Variants in ZBTB48 observed in about 807,000 individuals in gnomAD.
ZBTB48 encodes zinc finger and BTB domain-containing protein 48.
In ZBTB48, 35 loss-of-function variants were observed where a neutral mutation model predicts 64.5. That is an observed-to-expected ratio of 0.54 (90% CI 0.41 to 0.72). ZBTB48 has a LOEUF of 0.72. Among genes scored for constraint, ZBTB48 ranks in the 30% least tolerant of loss-of-function variants. The probability of loss-of-function intolerance (pLI) is 0.00; values close to 1 mark genes in which losing one functional copy is unlikely to be tolerated. For synonymous variants in ZBTB48, 442 were observed against 356.7 expected, an observed-to-expected ratio of 1.24 and a Z score of -2.70; for missense variants, 828 against 895.3, an observed-to-expected ratio of 0.92 and a Z score of 0.96.
At chr1:6,587,897 G>A (rs760869197) in intron 7 of ZBTB48, among the ~76,000 whole-genome samples, 163 bp from the exon 8 acceptor site, 1 of 152,106 alleles carries the variant, frequency 6.6e-6, no homozygotes, top group Non-Finnish European at 1.5e-5. Flanking sequence ...AGTTTCCTGT[G>A]ACTCCTGCTC....
intron 6 of ZBTB48, 52 bp downstream of exon 6, chr1:6,587,343 G>A (rs555983982): frequency 2.4e-5 from 38 of 1,612,988 alleles, no homozygotes; most frequent in Non-Finnish European, 3.1e-5. Context: ...GAGCAAGAGT[G>A]AGCTGTGCCC....
chr1:6,588,279 C>T lies in ZBTB48; in HGVS notation c.1518C>T (p.Ala506=). ...HLCGKTFRTQ[A]SLDKHNRTHT... ...TGAGCTCTTGCCTTGTGCCTGCAGC[C>T]AGCCTGGACAAGCACAACCGCACCC... The change falls in exon 9 of 11, where the codon GCC becomes GCT. Residue 506 remains alanine (A), a splice_region_variant and synonymous_variant. Transcript: ENST00000377674. 4 of 1,608,018 alleles carry T rather than the reference C, an allele frequency of 2.5e-6. No homozygotes were observed. Among genetic ancestry groups the T allele is most frequent in the Non-Finnish European group, 3.4e-6 (4 of 1,175,438 alleles).
rs530359124 is a variant in ZBTB48, at chr1:6,584,061, C to T, written c.932+1762C>T. On this transcript the variant is annotated intron_variant, in intron 3 of 10. Coordinates refer to ENST00000377674, the MANE Select transcript of ZBTB48 (RefSeq NM_005341.4). The surrounding 1 kb of genome is among the most constrained non-coding windows in gnomAD (Gnocchi z 4.5). ...CCTCCCAAAGTGCTGGGATTACAGG[C>T]GTGAGCCACCGTGCCCAGCCATTTT... is the stretch of plus-strand genomic sequence containing the variant. 4.6e-5 allele frequency among the ~76,000 whole-genome samples: 7 copies of T among 152,134 alleles called. No individual in the cohort carries two copies. The highest frequency in any genetic ancestry group is 2.4e-5 in the African/African-American group (1 of 41,500).
At chr1:6,583,959 T>C (rs1640569723) in intron 3 of ZBTB48, among the ~76,000 whole-genome samples, 1 of 151,926 alleles carries the variant, frequency 6.6e-6, no homozygotes, top group Non-Finnish European at 1.5e-5. Flanking sequence ...TTTTTGTGTG[T>C]GTTTAGTAGA....
intron 2 of ZBTB48, 130 bp downstream of exon 2, chr1:6,581,429 AG>A (rs548730188): frequency 4.8e-6 from 5 of 1,030,992 alleles, no homozygotes; most frequent in African/African-American, 1.6e-5. Context: ...TGGGAGGCCA[AG>A]GGGGGTGGAT....
chr1:6,585,166 A>G (rs1223033840), intron 3 of ZBTB48: 1 of 152,380 alleles, frequency 6.6e-6, no homozygotes, highest in Non-Finnish European at 1.5e-5. Context: ...GATTTAAGCA[A>G]AGACTCAAAG....
At chr1:6,588,509 C>A in intron 9 of ZBTB48, 67 bp downstream of exon 9, 3 of 1,455,142 alleles carry the variant, frequency 2.1e-6, no homozygotes, top group Non-Finnish European at 2.7e-6. Context: ...GAGGAGGAAA[C>A]GCTCCTTTCT....
intron 7 of ZBTB48, 142 bp from the exon 8 acceptor site, chr1:6,587,918 C>T (rs933023962): frequency 8.9e-6 from 11 of 1,241,456 alleles, no homozygotes; most frequent in Non-Finnish European, 9.9e-6. Flanking sequence ...ATAGATTGTC[C>T]TTCTGCTCTC....
In ZBTB48 at chr1:6,582,374, C is replaced by G. The variant is rs1005771488; in HGVS notation, c.932+75C>G. ...TGGGGGAGGGGTCCTGCACTTCCCA[C>G]TTCTGGGTGAGGTAGGGGCTGGGGG... On this transcript the variant is annotated intron_variant, in intron 3 of 10. Transcript: ENST00000377674. 8 of 1,551,926 alleles carry G rather than the reference C, an allele frequency of 5.2e-6. No homozygotes were observed. The Admixed American group carries it at 1.4e-4, about 27-fold the overall frequency.
chr1:6,587,406 T>C, intron 6 of ZBTB48, 72 bp from the exon 7 acceptor site: 2 of 1,607,372 alleles, frequency 1.2e-6, no homozygotes, highest in Non-Finnish European at 1.7e-6. Context: ...TGCTTGTGGG[T>C]CTCCCAGGCA....
Position 6,585,932 on chromosome 1 carries a change from G to A in ZBTB48, c.946G>A (p.Glu316Lys). 6.2e-7 allele frequency: 1 copy of A among 1,614,070 alleles called. No individual in the cohort carries two copies. The highest frequency in any genetic ancestry group is 8.5e-7 in the Non-Finnish European group (1 of 1,179,976). Residue 316 changes from glutamate to lysine, a missense_variant, in exon 4 of 11, where the codon GAG becomes AAG. Coordinates refer to ENST00000377674, the MANE Select transcript of ZBTB48 (RefSeq NM_005341.4). ...LKVHNRKHTG[E>K]KPFECPKCGK... ...TTCTCCTGGCAGGAAACATACTGGG[G>A]AGAAACCCTTTGAGTGTCCCAAATG...
chr1:6,580,665 A>G lies in ZBTB48; in HGVS notation c.56A>G (p.Gln19Arg), dbSNP rs1389070637. 1 of 1,613,988 alleles carries G rather than the reference A, an allele frequency of 6.2e-7. No homozygotes were observed. Among genetic ancestry groups the G allele is most frequent in the Non-Finnish European group, 8.5e-7 (1 of 1,180,036 alleles). Residue 19 changes from glutamine (Q) to arginine (R), a missense_variant, in exon 2 of 11, where the codon CAG becomes CGG. By Grantham distance (43) the Gln-to-Arg change is conservative. Coordinates refer to ENST00000377674, the MANE Select transcript of ZBTB48 (RefSeq NM_005341.4). This position sits in a 1 kb window ranked among gnomAD's most constrained non-coding sequence, Gnocchi z 5.2. ...AGGGTTCTGCAGGAGCTCAACAAGC[A>G]GCGGGAGAAGGGCCAGTACTGCGAC... Reference protein sequence around the residue: ...SVRVLQELNKQREKGQYCDAT... With the variant: ...SVRVLQELNKRREKGQYCDAT...
At position 6,582,273 on chromosome 1, in the gene ZBTB48, C is replaced by T; in HGVS notation, c.906C>T (p.Ser302=). 6.2e-7 allele frequency: 1 copy of T among 1,612,592 alleles called. No individual in the cohort carries two copies. The highest frequency in any genetic ancestry group is 1.7e-5 in the Admixed American group (1 of 59,998). ...CCACATGTCATAAAAAGTTCCTCAG[C>T]AAATATTATCTAAAAGTCCACAACA... ...ECPTCHKKFL[S]KYYLKVHNRK... The change falls in exon 3 of 11, where the codon AGC becomes AGT. Residue 302 remains serine, a synonymous_variant. Transcript: ENST00000377674.
chr1:6,585,428 G>A, intron 3 of ZBTB48: 1 of 175,552 alleles, frequency 5.7e-6, no homozygotes, highest in South Asian at 1.3e-4. Flanking sequence ...ACTGAGGTCT[G>A]ACTTAAAGGT....
chr1:6,581,133 C>T lies in ZBTB48; in HGVS notation c.524C>T (p.Pro175Leu). ...EPRGSHSPQR[P>L]QLHSPAQSEG... The stretch of plus-strand genomic sequence containing the variant: ...AGAGGCAGTCATAGTCCTCAGAGGC[C>T]CCAGCTCCATTCCCCAGCTCAGAGT... The change falls in exon 2 of 11, where the codon CCC (proline) becomes CTC (leucine). Residue 175 changes from proline to leucine, a missense_variant. By Grantham distance (98) the Pro-to-Leu change is moderately conservative. Coordinates refer to ENST00000377674, the MANE Select transcript of ZBTB48 (RefSeq NM_005341.4). 3 of 1,613,376 alleles carry T rather than the reference C, an allele frequency of 1.9e-6. No homozygotes were observed. Among genetic ancestry groups the T allele is most frequent in the South Asian group, 1.1e-5 (1 of 91,070 alleles).
chr1:6,586,609 G>A, intron 4 of ZBTB48, 86 bp from the exon 5 acceptor site: 1 of 1,291,592 alleles, frequency 7.7e-7, no homozygotes, highest in Non-Finnish European at 9.9e-7. Context: ...ACTCTTCCCA[G>A]CAGCAAGCGG....
chr1:6,585,889 C>G (rs370950207), intron 3 of ZBTB48, 30 bp from the exon 4 acceptor site: 7 of 1,595,332 alleles, frequency 4.4e-6, no homozygotes, highest in Middle Eastern at 1.7e-4. Context: ...ACCCTCTCAG[C>G]CCCCCCACCC....
At chr1:6,585,124 C>T (rs948544181) in intron 3 of ZBTB48, among the ~76,000 whole-genome samples, 2 of 152,000 alleles carry the variant, frequency 1.3e-5, no homozygotes, top group Admixed American at 6.6e-5. Context: ...TTTTAAGTAG[C>T]CAGGGTCTCT....
At chr1:6,581,937 A>C in intron 2 of ZBTB48, 121 bp from the exon 3 acceptor site, 1 of 1,449,068 alleles carries the variant, frequency 6.9e-7, no homozygotes, top group East Asian at 2.3e-5. Flanking sequence ...CCCTGAAGGA[A>C]CTTGTCTGAT....
Sources: allele counts gnomAD v4.1 joint callset (sites outside exome capture counted in the v4.1 genomes callset), GRCh38; gene constraint gnomAD v4.1.1; non-coding constraint Gnocchi (gnomAD v3.1); transcripts MANE v1.5; gene names NCBI Gene and HGNC (gene_info 2026-07-23, HGNC 2026-07-21).